Variants in KLHL32 observed in about 807,000 individuals in gnomAD.
KLHL32 encodes kelch like family member 32.
KLHL32 carries 35 observed loss-of-function variants against 64.8 expected under a neutral mutation model. The ratio of observed to expected loss-of-function variants is 0.54; its 90% CI spans 0.41 to 0.72. The LOEUF (loss-of-function observed/expected upper bound fraction) is 0.72, where lower values mean the gene tolerates loss of function less well. Ranked by LOEUF, KLHL32 falls within the 30% of genes least tolerant of loss-of-function variation. The probability of loss-of-function intolerance (pLI) is 0.00; values close to 1 mark genes in which losing one functional copy is unlikely to be tolerated. For synonymous variants in KLHL32, 259 were observed against 281.0 expected, an observed-to-expected ratio of 0.92 and a Z score of 0.78; for missense variants, 589 against 768.5, an observed-to-expected ratio of 0.77 and a Z score of 2.76.
At chr6:97,068,072 A>G (rs543704519) in intron 5 of KLHL32, among the ~76,000 whole-genome samples, 6 of 152,224 alleles carry the variant, frequency 3.9e-5, no homozygotes, top group African/African-American at 1.4e-4. Context: ...ACAATGCCAT[A>G]AGATCAGGAA....
intron 4 of KLHL32, among the ~76,000 whole-genome samples, chr6:97,060,401 G>A (rs1008633224): frequency 6.6e-6 from 1 of 152,194 alleles, no homozygotes; most frequent in Admixed American, 6.5e-5. Flanking sequence ...TGAAGAAGGA[G>A]GGGCAGGGAT....
intron 3 of KLHL32, among the ~76,000 whole-genome samples, chr6:96,976,891 G>A (rs568452373): frequency 2.0e-5 from 3 of 152,160 alleles, no homozygotes; most frequent in Non-Finnish European, 2.9e-5. Flanking sequence ...ACACCACCGC[G>A]GCCAGCCTAT....
intron 5 of KLHL32, among the ~76,000 whole-genome samples, chr6:97,077,886 G>A (rs113124015): frequency 1.3e-5 from 2 of 152,250 alleles, no homozygotes; most frequent in Admixed American, 6.5e-5. Context: ...CATACGATGC[G>A]AAATCTACTT....
intron 2 of KLHL32, among the ~76,000 whole-genome samples, chr6:96,967,286 C>G (rs529988419): frequency 6.6e-6 from 1 of 152,256 alleles, no homozygotes; most frequent in East Asian, 1.9e-4. Flanking sequence ...AATATGTTTC[C>G]TGATTCTTTG....
At chr6:96,932,233 G>A in intron 1 of KLHL32, among the ~76,000 whole-genome samples, 1 of 135,620 alleles carries the variant, frequency 7.4e-6, no homozygotes. Flanking sequence ...AGATTTCAAA[G>A]CCTAAAGAAA....
chr6:96,912,712 A>G, the KLHL32 span, among the ~76,000 whole-genome samples: 1 of 152,192 alleles, frequency 6.6e-6, no homozygotes, highest in Non-Finnish European at 1.5e-5. Flanking sequence ...ATTAGCTATT[A>G]TTATTATTAT....
chr6:96,933,039 T>G (rs139215575), intron 1 of KLHL32, among the ~76,000 whole-genome samples: 197 of 152,348 alleles, frequency 1.3e-3, no homozygotes, highest in African/African-American at 4.6e-3. Context: ...GGTGGAATTC[T>G]TTGACCAGCA....
chr6:97,085,103 C>A, intron 5 of KLHL32, 23 bp from the exon 6 acceptor site: 1 of 1,589,120 alleles, frequency 6.3e-7, no homozygotes, highest in South Asian at 1.1e-5. Flanking sequence ...GATCTTTTTT[C>A]ATTTTTATTT....
chr6:97,132,784 T>C, intron 10 of KLHL32, 37 bp downstream of exon 10: 1 of 1,454,188 alleles, frequency 6.9e-7, no homozygotes, highest in Non-Finnish European at 9.6e-7. Flanking sequence ...TTTGTTCAAG[T>C]GGTTCAGCGA....
intron 1 of KLHL32, among the ~76,000 whole-genome samples, chr6:96,964,407 G>A (rs995568920): frequency 2.6e-5 from 4 of 152,196 alleles, no homozygotes; most frequent in Admixed American, 6.5e-5. Context: ...TAATGGCAGC[G>A]CTTTGGCACG....
intron 6 of KLHL32, among the ~76,000 whole-genome samples, chr6:97,112,217 C>A (rs575406729): frequency 3.3e-5 from 5 of 152,250 alleles, no homozygotes; most frequent in East Asian, 1.9e-4. Flanking sequence ...TATTCTATTT[C>A]TTTGCTTCAT....
At chr6:97,103,672 A>G (rs1466441409) in intron 6 of KLHL32, among the ~76,000 whole-genome samples, 1 of 152,260 alleles carries the variant, frequency 6.6e-6, no homozygotes, top group Admixed American at 6.5e-5. Context: ...AGTGACTATG[A>G]TGTAACCTAG....
chr6:97,135,287 A>G (rs932354197), intron 10 of KLHL32, among the ~76,000 whole-genome samples: 7 of 149,840 alleles, frequency 4.7e-5, no homozygotes, highest in Non-Finnish European at 8.9e-5. Flanking sequence ...CAAAGCACAG[A>G]CAAATTTGTT....
intron 5 of KLHL32, among the ~76,000 whole-genome samples, chr6:97,074,196 G>C (rs1161871717): frequency 6.6e-6 from 1 of 152,186 alleles, no homozygotes; most frequent in Non-Finnish European, 1.5e-5. Context: ...CATCTGAATG[G>C]ATGGCTAAAA....
At position 96,966,924 on chromosome 6, in the gene KLHL32, C is replaced by A. The variant is rs77260022; in HGVS notation, c.-65-72C>A. On this transcript the variant is annotated intron_variant, in intron 1 of 10. Coordinates refer to ENST00000369261, the MANE Select transcript of KLHL32 (RefSeq NM_052904.4). ...TCTCCCTGGAATTCAGAAACTTTAG[C>A]ATCAGGAAGACCCAGAGTGTGCTTT... The A allele has an allele frequency of 6.4e-3, 4,362 of 685,966 alleles. 136 individuals are homozygous for A. Among genetic ancestry groups the A allele is most frequent in the African/African-American group, 0.063 (3,582 of 57,086 alleles). 42.5% of individuals were successfully genotyped at this position (685,966 alleles called of 1,614,324 possible).
chr6:97,086,542 G>T (rs1412679563), intron 6 of KLHL32, among the ~76,000 whole-genome samples: 3 of 152,166 alleles, frequency 2.0e-5, no homozygotes, highest in African/African-American at 7.2e-5. Flanking sequence ...TGAGGCTTCT[G>T]TGCCTTACTC....
At chr6:97,091,281 T>C (rs1305976314) in intron 6 of KLHL32, among the ~76,000 whole-genome samples, 1 of 152,200 alleles carries the variant, frequency 6.6e-6, no homozygotes, top group South Asian at 2.1e-4. Context: ...GTAGTGCCCA[T>C]GGATTGAACA....
At chr6:97,066,507 C>T (rs80051201) in intron 5 of KLHL32, among the ~76,000 whole-genome samples, 4,446 of 152,174 alleles carry the variant, frequency 0.029, 192 homozygotes, top group African/African-American at 0.099. Flanking sequence ...GCTTGTGGAC[C>T]GTTATTATTC....
intron 6 of KLHL32, among the ~76,000 whole-genome samples, chr6:97,107,291 CA>C (rs1056501039): frequency 1.1e-3 from 153 of 136,326 alleles, no homozygotes; most frequent in Admixed American, 1.3e-3. Flanking sequence ...GACTCCATCT[CA>C]AAAAAAAAAA....
Sources: allele counts gnomAD v4.1 joint callset (sites outside exome capture counted in the v4.1 genomes callset), GRCh38; gene constraint gnomAD v4.1.1; transcripts MANE v1.5; gene names NCBI Gene and HGNC (gene_info 2026-07-23, HGNC 2026-07-21).